PRKN: variants seen among roughly 807,000 people sequenced by gnomAD.
The protein encoded by PRKN is parkin RBR E3 ubiquitin protein ligase.
A neutral mutation model predicts 59.5 loss-of-function variants in PRKN; 56 were observed. The observed-to-expected ratio is 0.94, with a 90% CI of 0.76 to 1.18. The LOEUF is 1.18. Among genes scored for constraint, PRKN ranks in the 50% most tolerant of loss-of-function variants. The pLI, the probability that PRKN is intolerant of heterozygous loss-of-function variation, is 0.00. For synonymous variants in PRKN, 250 were observed against 222.1 expected, an observed-to-expected ratio of 1.13 and a Z score of -1.12; for missense variants, 657 against 596.4, an observed-to-expected ratio of 1.10 and a Z score of -1.06.
intron 7 of PRKN, among the ~76,000 whole-genome samples, chr6:161,662,212 G>A (rs1784574524): frequency 6.6e-6 from 1 of 151,992 alleles, no homozygotes; most frequent in Non-Finnish European, 1.5e-5. Flanking sequence ...CACGTAGAGG[G>A]GGTTCTAAGA....
chr6:161,394,715 G>C (rs144049604), intron 9 of PRKN, among the ~76,000 whole-genome samples: 1,702 of 152,206 alleles, frequency 0.011, 31 homozygotes, highest in African/African-American at 0.039. Context: ...GAGAAGATGA[G>C]TTCATGCAAT....
At chr6:161,895,630 CT>C in intron 6 of PRKN, among the ~76,000 whole-genome samples, 1 of 117,878 alleles carries the variant, frequency 8.5e-6, no homozygotes. Flanking sequence ...TGCTGTTATG[CT>C]CCCCAGTGAG....
At chr6:162,577,963 CTAAA>C (rs1780629059) in intron 1 of PRKN, among the ~76,000 whole-genome samples, 1 of 152,002 alleles carries the variant, frequency 6.6e-6, no homozygotes, top group Admixed American at 6.6e-5. Context: ...ATTTTGAAAA[CTAAA>C]TAAATACAAT....
chr6:162,176,342 T>G (rs907113272), intron 4 of PRKN, among the ~76,000 whole-genome samples: 5 of 152,204 alleles, frequency 3.3e-5, no homozygotes, highest in African/African-American at 7.2e-5. Flanking sequence ...GAAAGAACTG[T>G]GCAGTCACTA....
At chr6:161,967,115 C>T (rs572613263) in intron 6 of PRKN, among the ~76,000 whole-genome samples, 80 of 152,330 alleles carry the variant, frequency 5.3e-4, no homozygotes, top group African/African-American at 1.9e-3. Context: ...CAGGCGTGAG[C>T]CACTGCGCCC....
intron 2 of PRKN, among the ~76,000 whole-genome samples, chr6:162,410,166 T>C: frequency 6.6e-6 from 1 of 152,228 alleles, no homozygotes; most frequent in South Asian, 2.1e-4. Flanking sequence ...CCCTGCTGTT[T>C]TTTCTGCTCC....
chr6:162,160,891 A>C (rs1782722946), intron 4 of PRKN, among the ~76,000 whole-genome samples: 2 of 3,504 alleles, frequency 5.7e-4, no homozygotes, highest in African/African-American at 1.3e-3. Flanking sequence ...ACTCCGTCTC[A>C]AAAAAAAAAA....
chr6:162,591,910 T>C (rs992319922), intron 1 of PRKN, among the ~76,000 whole-genome samples: 5 of 146,426 alleles, frequency 3.4e-5, no homozygotes, highest in African/African-American at 7.5e-5. Context: ...AAAAAAGGCA[T>C]GTTAGGAAAA....
At chr6:161,703,819 ATCTC>A (rs1281347014) in intron 7 of PRKN, among the ~76,000 whole-genome samples, 1,958 of 136,216 alleles carry the variant, frequency 0.014, 31 homozygotes, top group Non-Finnish European at 0.021. Context: ...GAGGACACAC[ATCTC>A]TCTCTCTCTC....
chr6:161,634,732 G>T (rs1333303430), intron 7 of PRKN, among the ~76,000 whole-genome samples: 1 of 152,164 alleles, frequency 6.6e-6, no homozygotes, highest in Non-Finnish European at 1.5e-5. Context: ...TTTCGAATTT[G>T]TTCATCATAG....
rs1261992726 is a variant in PRKN at position 161,554,672 on chromosome 6, T to C, written c.934-5669A>G. On this transcript the variant is annotated intron_variant, in intron 8 of 11. Transcript: ENST00000366898. The surrounding 1 kb of genome is among the most constrained non-coding windows in gnomAD (Gnocchi z 4.5). ...TATGGAATTATAGTTTCTTACAGTA[T>C]ACATATAAGGAATATACAATCCTGA... Among the ~76,000 whole-genome samples, 1 of 151,534 alleles carries C rather than the reference T, an allele frequency of 6.6e-6. No homozygotes were observed. The highest frequency in any genetic ancestry group is 2.4e-5 in the African/African-American group (1 of 41,274).
rs776761134 is a variant in PRKN at position 161,401,089 on chromosome 6, G to A, written c.1084-14212C>T. On this transcript the variant is annotated intron_variant, in intron 9 of 11. Coordinates refer to ENST00000366898, the MANE Select transcript of PRKN (RefSeq NM_004562.3). The surrounding 1 kb of genome is among the most constrained non-coding windows in gnomAD (Gnocchi z 4.4). ...GAAGTCATAGAAATCCACCATTCAC[G>A]TAAGTTTTGGCCTGGTGTTATTGCA... 3.3e-5 allele frequency among the ~76,000 whole-genome samples: 5 copies of A among 152,058 alleles called. No individual in the cohort carries two copies. The highest frequency in any genetic ancestry group is 7.4e-5 in the Non-Finnish European group (5 of 67,966).
At chr6:161,860,775 G>A (rs1421203496) in intron 6 of PRKN, among the ~76,000 whole-genome samples, 1 of 152,194 alleles carries the variant, frequency 6.6e-6, no homozygotes, top group East Asian at 1.9e-4. Flanking sequence ...CAAAGGATAT[G>A]AAGAGACACT....
chr6:161,548,889 C>T lies in PRKN; in HGVS notation c.1048G>A (p.Val350Ile). 3.1e-6 allele frequency: 5 copies of T among 1,614,170 alleles called. No homozygotes were observed. Among genetic ancestry groups the T allele is most frequent in the Non-Finnish European group, 4.2e-6 (5 of 1,180,032 alleles). The stretch of plus-strand genomic sequence containing the variant: ...AGGCCATTGCCCCCTTCGCAGGTGA[C>T]TTTCCTCTGGTCAGGCTCCGGCAGC... The part of the protein sequence containing the change: ...GLLPEPDQRK[V>I]TCEGGNGLGC... Residue 350 changes from valine (V) to isoleucine (I), a missense_variant, in exon 9 of 12, where the codon GTC becomes ATC. Physicochemically the swap from Val to Ile is conservative, Grantham distance 29 (BLOSUM62 3). Coordinates refer to ENST00000366898, the MANE Select transcript of PRKN (RefSeq NM_004562.3). The surrounding 1 kb of genome is among the most constrained non-coding windows in gnomAD (Gnocchi z 4.2).
In PRKN at chr6:161,593,573, G is replaced by T. The variant is rs1781802978; in HGVS notation, c.872-24157C>A. Among the ~76,000 whole-genome samples the T allele has an allele frequency of 6.6e-6, 1 of 152,156 alleles. No homozygotes were observed. Among genetic ancestry groups the T allele is most frequent in the Non-Finnish European group, 1.5e-5 (1 of 68,018 alleles). On this transcript the variant is annotated intron_variant, in intron 7 of 11. Transcript: ENST00000366898. This position sits in a 1 kb window ranked among gnomAD's most constrained non-coding sequence, Gnocchi z 4.8. The stretch of plus-strand genomic sequence containing the variant: ...GGGGGCTGGAAGGTGAGGCCAGCAG[G>T]TCTTGCTGGTGGGCTGCCCTGTGGA...
intron 1 of PRKN, among the ~76,000 whole-genome samples, chr6:162,684,567 G>A (rs1459671511): frequency 6.6e-6 from 1 of 152,140 alleles, no homozygotes; most frequent in Admixed American, 6.6e-5. Flanking sequence ...AGTATTTGGA[G>A]TCAGAAGTTT....
At chr6:161,556,847 G>T (rs1780257581) in intron 8 of PRKN, among the ~76,000 whole-genome samples, 1 of 152,110 alleles carries the variant, frequency 6.6e-6, no homozygotes, top group South Asian at 2.1e-4. Flanking sequence ...AATCACTCAT[G>T]CATGTTTTGT....
Position 162,176,374 on chromosome 6 carries a change from C to G in PRKN, c.534+24757G>C, listed in dbSNP as rs576604393. Among the ~76,000 whole-genome samples, 25 of 152,206 alleles carry G rather than the reference C, an allele frequency of 1.6e-4. 1 individual carries two copies. The highest frequency in any genetic ancestry group is 5.8e-4 in the African/African-American group (24 of 41,530). On this transcript the variant is annotated intron_variant, in intron 4 of 11. Transcript: ENST00000366898. ...ACTAGACTCAAATAAGTATAAAGAG[C>G]CACACCGTCTCGTGGATAATACCAA...
intron 1 of PRKN, among the ~76,000 whole-genome samples, chr6:162,446,437 G>GT (rs971615828): frequency 2.0e-5 from 3 of 152,140 alleles, no homozygotes; most frequent in Admixed American, 6.5e-5. Context: ...AAGGATGAGA[G>GT]TTTTTTTGTA....
Sources: gnomAD v4.1 joint callset for allele counts (sites outside exome capture counted in the v4.1 genomes callset) on GRCh38, gnomAD v4.1.1 for gene constraint, Gnocchi (gnomAD v3.1) non-coding constraint, MANE v1.5 for transcripts, NCBI Gene and HGNC (gene_info 2026-07-23, HGNC 2026-07-21) for gene names.